Variants in GALNT3 observed in about 807,000 individuals in gnomAD.
The protein encoded by GALNT3 is polypeptide N-acetylgalactosaminyltransferase 3, also known as GalNAc transferase 3.
GALNT3 carries 51 observed loss-of-function variants against 69.8 expected under a neutral mutation model. The observed-to-expected ratio is 0.73, with a 90% CI of 0.58 to 0.92. The LOEUF (loss-of-function observed/expected upper bound fraction) is 0.92, where lower values mean the gene tolerates loss of function less well. Among genes scored for constraint, GALNT3 ranks in the 40% least tolerant of loss-of-function variants. The pLI, the probability that GALNT3 is intolerant of heterozygous loss-of-function variation, is 0.00. For missense variants in GALNT3, 711 were observed against 760.0 expected (o/e 0.94, Z 0.76); for synonymous variants, 265 against 248.5 (o/e 1.07, Z -0.63).
At chr2:165,751,650 C>T (rs1573994617) in intron 9 of GALNT3, among the ~76,000 whole-genome samples, 1 of 151,988 alleles carries the variant, frequency 6.6e-6, no homozygotes, top group South Asian at 2.1e-4. Context: ...TTACTTAGAA[C>T]GAGTAGAGAA....
intron 9 of GALNT3, among the ~76,000 whole-genome samples, chr2:165,751,203 G>A (rs112159792): frequency 0.011 from 1,639 of 152,168 alleles, 38 homozygotes; most frequent in African/African-American, 0.037. Flanking sequence ...TAATTAGTAG[G>A]AGCACTAATA....
Position 165,773,825 on chromosome 2 carries a change from A to G in GALNT3, c.-108-3017T>C, listed in dbSNP as rs562444783. Among the ~76,000 whole-genome samples the G allele has an allele frequency of 1.1e-3, 175 of 152,208 alleles. No homozygotes were observed. The Middle Eastern group carries it at 0.037, about 33-fold the overall frequency. On this transcript the variant is annotated intron_variant, in intron 1 of 10. Coordinates refer to ENST00000392701, the MANE Select transcript of GALNT3 (RefSeq NM_004482.4). ...AAAAAAAAAAAAGACAAATGAAAAC[A>G]CAGATAAATTATCCACGTCAAGTGG...
chr2:165,762,889 A>G, intron 3 of GALNT3, among the ~76,000 whole-genome samples: 1 of 152,120 alleles, frequency 6.6e-6, no homozygotes, highest in Non-Finnish European at 1.5e-5. Flanking sequence ...TCTGGGCTGC[A>G]AGCAGTTTTC....
Position 165,757,809 on chromosome 2 carries a change from CA to C in GALNT3, c.1192-563del, listed in dbSNP as rs34964970. Among the ~76,000 whole-genome samples, 1,179 of 151,706 alleles carry C rather than the reference CA, an allele frequency of 7.8e-3. 40 individuals carry two copies. The highest frequency in any genetic ancestry group is 0.061 in the Admixed American group (932 of 15,240). On this transcript the variant is annotated intron_variant, in intron 6 of 10. Coordinates refer to ENST00000392701, the MANE Select transcript of GALNT3 (RefSeq NM_004482.4). ...TCATGCCAATTTAGAGAGAAAACGTCAAAAAAAATCCTTATTGGCATTAATG... is the reference window on the plus strand; with the variant it reads ...TCATGCCAATTTAGAGAGAAAACGTCAAAAAAATCCTTATTGGCATTAATG...
intron 4 of GALNT3, among the ~76,000 whole-genome samples, chr2:165,760,880 A>C (rs1558997259): frequency 1.3e-5 from 2 of 152,202 alleles, no homozygotes; most frequent in Admixed American, 6.5e-5. Context: ...ATTGACTCTA[A>C]AAATGCTTTC....
rs1688558094 is a variant in GALNT3 at position 165,761,966 on chromosome 2, A to G, written c.777T>C (p.Thr259=). The part of the protein sequence containing the change: ...VRQRERKGLI[T]ARLLGATVAT... ...CGACTGTTGCTCCTAGCAACCGAGCAGTGATCAGACCTTTTCTTTCTCTTT... is the reference window on the plus strand; with the variant it reads ...CGACTGTTGCTCCTAGCAACCGAGCGGTGATCAGACCTTTTCTTTCTCTTT... The change falls in exon 4 of 11, where the codon ACT becomes ACC. Residue 259 remains threonine (T), a synonymous_variant. Transcript: ENST00000392701. The G allele has an allele frequency of 6.2e-7, 1 of 1,614,018 alleles. No individual in the cohort carries two copies.
chr2:165,758,104 C>G (rs139670829), intron 6 of GALNT3, among the ~76,000 whole-genome samples: 10 of 152,106 alleles, frequency 6.6e-5, no homozygotes, highest in African/African-American at 2.2e-4. Flanking sequence ...AACAAGACCC[C>G]GCCATAAGCA....
At chr2:165,771,625 G>A (rs1474731272) in intron 1 of GALNT3, 1 of 152,062 alleles carries the variant, frequency 6.6e-6, no homozygotes, top group Non-Finnish European at 1.5e-5. Flanking sequence ...GGGACAACAG[G>A]AGCAAAGGAA....
At chr2:165,793,755 G>T (rs920856942) in intron 1 of GALNT3, 2 of 152,408 alleles carry the variant, frequency 1.3e-5, no homozygotes, top group Non-Finnish European at 1.5e-5. Flanking sequence ...CTCAGGGGCC[G>T]CCCCATAGGG....
chr2:165,783,179 C>T (rs1445805010), intron 1 of GALNT3, among the ~76,000 whole-genome samples: 2 of 152,128 alleles, frequency 1.3e-5, no homozygotes, highest in African/African-American at 4.8e-5. Flanking sequence ...CAAAGGAGAG[C>T]AGGCACAGAT....
chr2:165,756,671 C>A (rs550933400), intron 7 of GALNT3, among the ~76,000 whole-genome samples: 6 of 149,590 alleles, frequency 4.0e-5, no homozygotes, highest in Admixed American at 3.3e-4. Flanking sequence ...GGTTTATTCT[C>A]ATGCCACATT....
chr2:165,790,450 T>C (rs1683320582), intron 1 of GALNT3, among the ~76,000 whole-genome samples: 1 of 151,402 alleles, frequency 6.6e-6, no homozygotes, highest in South Asian at 2.1e-4. Context: ...ATTTTGATAC[T>C]AACTAAATGC....
chr2:165,788,215 G>C (rs1438901748), intron 1 of GALNT3, among the ~76,000 whole-genome samples: 3 of 151,130 alleles, frequency 2.0e-5, no homozygotes, highest in Admixed American at 1.3e-4. Flanking sequence ...TACTTGGGAG[G>C]CTGAGGCAGG....
intron 1 of GALNT3, among the ~76,000 whole-genome samples, chr2:165,787,053 T>G (rs1213888365): frequency 6.6e-6 from 1 of 152,220 alleles, no homozygotes; most frequent in African/African-American, 2.4e-5. Context: ...GTGGGGAAAC[T>G]TTTGTTTTTA....
At chr2:165,784,001 T>C (rs945528675) in intron 1 of GALNT3, among the ~76,000 whole-genome samples, 1 of 152,178 alleles carries the variant, frequency 6.6e-6, no homozygotes, top group Non-Finnish European at 1.5e-5. Flanking sequence ...CATTATCCAC[T>C]CTTCATGGTT....
chr2:165,790,737 C>T (rs1160344740), intron 1 of GALNT3, among the ~76,000 whole-genome samples: 2 of 152,038 alleles, frequency 1.3e-5, no homozygotes, highest in Non-Finnish European at 2.9e-5. Context: ...TACATTCCTA[C>T]AAATCATTGA....
intron 9 of GALNT3, 82 bp downstream of exon 9, chr2:165,754,545 G>C: frequency 3.1e-6 from 3 of 979,514 alleles, no homozygotes; most frequent in Non-Finnish European, 4.9e-6. Flanking sequence ...TAAAGCTGCT[G>C]TGGGACTTCT....
At chr2:165,750,534 C>T (rs979102352) in intron 9 of GALNT3, among the ~76,000 whole-genome samples, 1 of 152,170 alleles carries the variant, frequency 6.6e-6, no homozygotes, top group African/African-American at 2.4e-5. Context: ...TCCATTCTCA[C>T]TTCCGTGTAC....
At position 165,762,149 on chromosome 2, in the gene GALNT3, A is replaced by G. The variant is rs1318584152; in HGVS notation, c.689-95T>C. 12 of 939,364 alleles carry G rather than the reference A, an allele frequency of 1.3e-5. No individual in the cohort carries two copies. The South Asian group carries it at 1.6e-4, about 12-fold the overall frequency. The allele number at this position is 939,364 out of a possible 1,614,324, so 58.2% of individuals were successfully genotyped here. A position where few individuals can be genotyped will look rare whatever the true frequency, so the allele number is the denominator to read the frequency against. ...GAAACCACAGAGCAATGATCCTTCC[A>G]AATTCATAATCTTAACAGTTGCATG... is the stretch of plus-strand genomic sequence containing the variant. On this transcript the variant is annotated intron_variant, in intron 3 of 10. Coordinates refer to ENST00000392701, the MANE Select transcript of GALNT3 (RefSeq NM_004482.4).
Sources: gnomAD v4.1 joint callset for allele counts (sites outside exome capture counted in the v4.1 genomes callset) on GRCh38, gnomAD v4.1.1 for gene constraint, MANE v1.5 for transcripts, NCBI Gene and HGNC (gene_info 2026-07-23, HGNC 2026-07-21) for gene names.